TLR8: variants seen among roughly 807,000 people sequenced by gnomAD.
TLR8 encodes toll-like receptor 8.
In TLR8, 5 loss-of-function variants were observed where a neutral mutation model predicts 18.5. The ratio of observed to expected loss-of-function variants is 0.27; its 90% CI spans 0.14 to 0.57. The LOEUF is 0.57. Among genes scored for constraint, TLR8 ranks in the 20% least tolerant of loss-of-function variants. TLR8 has a pLI of 0.92. For synonymous variants in TLR8, 299 were observed against 300.1 expected, an observed-to-expected ratio of 1.00 and a Z score of 0.04; for missense variants, 543 against 769.8, an observed-to-expected ratio of 0.71 and a Z score of 3.49.
At chrX:12,915,266 G>C (rs980946055) in intron 1 of TLR8, among the ~76,000 whole-genome samples, 1 of 111,311 alleles carries the variant, frequency 9.0e-6, no homozygotes, top group African/African-American at 3.3e-5. Context: ...AGTCTCAGGC[G>C]ATTCTCCAGT....
Position 12,920,368 on chromosome X carries a change from A to G in TLR8, c.1328A>G (p.Asn443Ser), listed in dbSNP as rs1337623910. The G allele has an allele frequency of 8.3e-7, 1 of 1,209,223 alleles. No homozygotes were observed. Among genetic ancestry groups the G allele is most frequent in the Non-Finnish European group, 1.1e-6 (1 of 894,687 alleles). The stretch of plus-strand genomic sequence containing the variant: ...AAAGATACCCGGCAGAGTTATGCAA[A>G]TAGTTCCTCTTTTCAACGTCATATC... ...LVKDTRQSYA[N>S]SSSFQRHIRK... Residue 443 changes from asparagine to serine, a missense_variant, in exon 2 of 2, where the codon AAT becomes AGT. By Grantham distance (46) the Asn-to-Ser change is conservative. Around this residue, in one of 4 missense-constraint regions of TLR8, gnomAD observed 185 missense variants for 298.9 expected, o/e 0.62. Transcript: ENST00000218032.
rs1335562057 is a variant in TLR8 at position 12,922,724 on chromosome X, C to T, written c.*558C>T. On this transcript the variant is annotated 3_prime_UTR_variant, in exon 2 of 2. Transcript: ENST00000218032. ...TCTGATTGCTTCAGTTGGTCATCAA[C>T]TATTTTCCCTTGACTGCTGTCCTGG... The T allele has an allele frequency of 1.8e-5, 2 of 112,207 alleles. No homozygotes were observed. Among genetic ancestry groups the T allele is most frequent in the African/African-American group, 6.5e-5 (2 of 30,785 alleles). 9.2% of individuals were successfully genotyped at this position (112,207 alleles called of 1,213,427 possible). A position where few individuals can be genotyped will look rare whatever the true frequency, so the allele number is the denominator to read the frequency against.
intron 1 of TLR8, among the ~76,000 whole-genome samples, chrX:12,917,972 T>C (rs1375746956): frequency 8.9e-6 from 1 of 112,257 alleles, no homozygotes; most frequent in Non-Finnish European, 1.9e-5. Context: ...GTCCCAGTGC[T>C]ACAGCATACC....
chrX:12,921,322 C>T lies in TLR8; in HGVS notation c.2282C>T (p.Thr761Ile), dbSNP rs899819812. The change falls in exon 2 of 2, where the codon ACC (threonine) becomes ATC (isoleucine). Residue 761 changes from threonine (T) to isoleucine (I), a missense_variant. Physicochemically the swap from Thr to Ile is moderately conservative, Grantham distance 89. This residue lies in a region of TLR8 where 227 missense variants were observed against 312.9 expected (regional missense o/e 0.73). Coordinates refer to ENST00000218032, the MANE Select transcript of TLR8 (RefSeq NM_138636.5). ...AAATCCGCACTTGAAACTAAGACCA[C>T]CACCAAATTATCTATGTTGGAACTA... ...INKSALETKT[T>I]TKLSMLELHG... is the part of the protein sequence containing the mutation. The T allele has an allele frequency of 1.5e-5, 18 of 1,209,979 alleles. No individual in the cohort carries two copies. Among genetic ancestry groups the T allele is most frequent in the Non-Finnish European group, 2.0e-5 (18 of 895,293 alleles).
intron 1 of TLR8, among the ~76,000 whole-genome samples, chrX:12,909,007 G>T (rs1360527770): frequency 8.9e-6 from 1 of 112,156 alleles, no homozygotes; most frequent in Non-Finnish European, 1.9e-5. Flanking sequence ...ATTACCCACA[G>T]TTAGTCTTTG....
intron 1 of TLR8, among the ~76,000 whole-genome samples, chrX:12,910,121 A>G (rs1478175137): frequency 2.7e-5 from 3 of 112,291 alleles, no homozygotes; most frequent in Non-Finnish European, 5.6e-5. Flanking sequence ...CTGCATAACC[A>G]TTTCTTAATT....
At position 12,921,716 on chromosome X, in the gene TLR8, T is replaced by C; in HGVS notation, c.2676T>C (p.Ser892=). Residue 892 remains serine (S), a synonymous_variant, in exon 2 of 2, where the codon TCT becomes TCC. Transcript: ENST00000218032. ...TTTCTTATGACACCAAAGATGCCTC[T>C]GTTACTGACTGGGTGATAAATGAGC... ...AYISYDTKDA[S]VTDWVINELR... is the part of the protein sequence containing the mutation. The C allele has an allele frequency of 8.3e-7, 1 of 1,211,454 alleles. No homozygotes were observed. The highest frequency in any genetic ancestry group is 1.1e-6 in the Non-Finnish European group (1 of 895,341).
Position 12,921,350 on chromosome X carries a change from C to G in TLR8, c.2310C>G (p.His770Gln). The change falls in exon 2 of 2, where the codon CAC (histidine) becomes CAG (glutamine). Residue 770 changes from histidine (H) to glutamine (Q), a missense_variant. By Grantham distance (24) the His-to-Gln change is conservative. Coordinates refer to ENST00000218032, the MANE Select transcript of TLR8 (RefSeq NM_138636.5). ...CCAAATTATCTATGTTGGAACTACA[C>G]GGAAACCCCTTTGAATGCACCTGTG... Reference protein sequence around the residue: ...TTTKLSMLELHGNPFECTCDI... With the variant: ...TTTKLSMLELQGNPFECTCDI... 1 of 1,211,725 alleles carries G rather than the reference C, an allele frequency of 8.3e-7. No individual in the cohort carries two copies. The highest frequency in any genetic ancestry group is 1.1e-6 in the Non-Finnish European group (1 of 895,444).
chrX:12,916,079 C>G (rs775877946), intron 1 of TLR8, among the ~76,000 whole-genome samples: 1 of 110,959 alleles, frequency 9.0e-6, no homozygotes, highest in South Asian at 3.8e-4. Flanking sequence ...CAGTGTTTCT[C>G]TATGTTGGCC....
At position 12,922,466 on chromosome X, in the gene TLR8, C is replaced by T. The variant is rs2043102833; in HGVS notation, c.*300C>T. ...CCTGGGCTATTGGCCAAAGGCTATA[C>T]TCATGTAAGCCATGCGAGCCTCTCC... On this transcript the variant is annotated 3_prime_UTR_variant, in exon 2 of 2. Transcript: ENST00000218032. 4 of 236,960 alleles carry T rather than the reference C, an allele frequency of 1.7e-5. No individual in the cohort carries two copies. Among genetic ancestry groups the T allele is most frequent in the South Asian group, 1.9e-4 (1 of 5,379 alleles). The allele number at this position is 236,960 out of a possible 1,213,427, so 19.5% of individuals were successfully genotyped here.
chrX:12,917,123 T>C (rs2043061062), intron 1 of TLR8, among the ~76,000 whole-genome samples: 1 of 112,445 alleles, frequency 8.9e-6, no homozygotes, highest in South Asian at 3.6e-4. Flanking sequence ...ATATGCCATA[T>C]ACTATAATGT....
intron 1 of TLR8, among the ~76,000 whole-genome samples, chrX:12,916,490 ATGTCTGAGCCCCGT>A (rs1249516220): frequency 7.2e-5 from 8 of 111,870 alleles, no homozygotes; most frequent in African/African-American, 2.6e-4. Flanking sequence ...AGTGCCTTGC[ATGTCTGAGCCCCGT>A]TGCCCCTTCC....
chrX:12,920,377 C>T lies in TLR8; in HGVS notation c.1337C>T (p.Ser446Phe), dbSNP rs760591173. 1 of 1,210,292 alleles carries T rather than the reference C, an allele frequency of 8.3e-7. No homozygotes were observed. The highest frequency in any genetic ancestry group is 1.1e-6 in the Non-Finnish European group (1 of 894,771). ...CGGCAGAGTTATGCAAATAGTTCCT[C>T]TTTTCAACGTCATATCCGGAAACGA... ...DTRQSYANSS[S>F]FQRHIRKRRS... Residue 446 changes from serine (S) to phenylalanine (F), a missense_variant, in exon 2 of 2, where the codon TCT becomes TTT. By Grantham distance (155) the Ser-to-Phe change is radical (BLOSUM62 -2). This residue lies in a region of TLR8 where 185 missense variants were observed against 298.9 expected (regional missense o/e 0.62). Transcript: ENST00000218032.
chrX:12,911,317 G>T (rs1463294804), intron 1 of TLR8, among the ~76,000 whole-genome samples: 2 of 111,908 alleles, frequency 1.8e-5, no homozygotes, highest in Admixed American at 9.4e-5. Flanking sequence ...GGCAGGGTTG[G>T]TTCCTTCTTA....
intron 1 of TLR8, among the ~76,000 whole-genome samples, chrX:12,915,926 G>GGCTGGAGTGC (rs1381090508): frequency 4.1e-4 from 45 of 109,700 alleles, no homozygotes; most frequent in African/African-American, 1.4e-3. Flanking sequence ...TTGTTGCCCA[G>GGCTGGAGTGC]GCTGGAGTGC....
intron 1 of TLR8, among the ~76,000 whole-genome samples, chrX:12,911,783 G>A (rs899034997): frequency 8.9e-6 from 1 of 112,570 alleles, no homozygotes; most frequent in Non-Finnish European, 1.9e-5. Flanking sequence ...GGCCTGGCCC[G>A]AGCCCCATTA....
rs1296448291 is a variant in TLR8, at chrX:12,920,174, G to A, written c.1134G>A (p.Val378=). ...GGGCATTGCATTTAAGAGGTTATGT[G>A]TTCCAGGAACTCAGAGAAGATGATT... ...SLRALHLRGY[V]FQELREDDFQ... Residue 378 remains valine, a synonymous_variant, in exon 2 of 2, where the codon GTG becomes GTA. Transcript: ENST00000218032. 1 of 1,210,974 alleles carries A rather than the reference G, an allele frequency of 8.3e-7. No homozygotes were observed. The highest frequency in any genetic ancestry group is 1.7e-5 in the African/African-American group (1 of 57,774).
rs1264070724 is a variant in TLR8, at chrX:12,906,637, A to C, written c.-70A>C. 24 of 974,846 alleles carry C rather than the reference A, an allele frequency of 2.5e-5. No homozygotes were observed. The highest frequency in any genetic ancestry group is 3.0e-5 in the Non-Finnish European group (23 of 755,231). The allele number at this position is 974,846 out of a possible 1,213,427, so 80.3% of individuals were successfully genotyped here. Reference sequence around the variant, plus strand: ...AGTTAGCCAGTTTCTCTTCTCGGCCACCTCCTGCATAGAGGGTACCATTCT... The same window carrying C: ...AGTTAGCCAGTTTCTCTTCTCGGCCCCCTCCTGCATAGAGGGTACCATTCT... On this transcript the variant is annotated 5_prime_UTR_variant, in exon 1 of 2. Transcript: ENST00000218032.
intron 1 of TLR8, among the ~76,000 whole-genome samples, chrX:12,915,843 C>T (rs913678875): frequency 1.5e-4 from 17 of 111,860 alleles, no homozygotes; most frequent in African/African-American, 5.5e-4. Flanking sequence ...CTTACACATG[C>T]CTACTCAACC....
Sources: allele counts gnomAD v4.1 joint callset (sites outside exome capture counted in the v4.1 genomes callset), GRCh38; gene constraint gnomAD v4.1.1; regional missense constraint gnomAD v4.1.1; transcripts MANE v1.5; gene names NCBI Gene and HGNC (gene_info 2026-07-23, HGNC 2026-07-21).